SS18: variants seen among roughly 807,000 people sequenced by gnomAD.
SS18 encodes SS18 subunit of BAF chromatin remodeling complex.
Under a neutral mutation model 72.5 loss-of-function variants are expected in SS18, and 28 were observed. The observed-to-expected ratio is 0.39, with a 90% CI of 0.29 to 0.53. SS18 has a LOEUF of 0.53. SS18 is among the 20% of genes least tolerant of loss of function. The pLI is 0.76. For missense variants in SS18, 518 were observed against 535.3 expected, an observed-to-expected ratio of 0.97 and a Z score of 0.32; for synonymous variants, 172 against 164.2, an observed-to-expected ratio of 1.05 and a Z score of -0.37.
chr18:26,019,916 A>T (rs1401513880), intron 10 of SS18, among the ~76,000 whole-genome samples: 1 of 152,066 alleles, frequency 6.6e-6, no homozygotes, highest in Admixed American at 6.5e-5. Context: ...ATGATATCAC[A>T]TCTAAGATTT....
At chr18:26,053,704 TAA>T (rs934367722) in intron 4 of SS18, among the ~76,000 whole-genome samples, 8 of 152,096 alleles carry the variant, frequency 5.3e-5, no homozygotes, top group African/African-American at 1.9e-4. Flanking sequence ...TCATCAACAT[TAA>T]AAGATTGATT....
intron 4 of SS18, among the ~76,000 whole-genome samples, chr18:26,056,520 G>T (rs957561305): frequency 2.6e-5 from 4 of 152,124 alleles, no homozygotes; most frequent in African/African-American, 9.7e-5. Context: ...AAACACCACT[G>T]CCCTCCTATA....
At chr18:26,048,129 A>G (rs958492649) in intron 5 of SS18, among the ~76,000 whole-genome samples, 1 of 152,258 alleles carries the variant, frequency 6.6e-6, no homozygotes, top group Non-Finnish European at 1.5e-5. Context: ...CTGGGTATGT[A>G]GTAAAGTAAG....
At chr18:26,059,191 A>G (rs2054076735) in intron 3 of SS18, among the ~76,000 whole-genome samples, 1 of 152,250 alleles carries the variant, frequency 6.6e-6, no homozygotes, top group Non-Finnish European at 1.5e-5. Flanking sequence ...CAAAAAGTAA[A>G]AACTGTTTGA....
intron 3 of SS18, among the ~76,000 whole-genome samples, chr18:26,075,187 A>G (rs1476210300): frequency 6.6e-6 from 1 of 151,934 alleles, no homozygotes; most frequent in African/African-American, 2.4e-5. Flanking sequence ...ATTCTTCTGG[A>G]TAAGAAAAAG....
At chr18:26,025,646 T>C (rs541126089) in intron 10 of SS18, among the ~76,000 whole-genome samples, 33 of 151,756 alleles carry the variant, frequency 2.2e-4, no homozygotes, top group Non-Finnish European at 2.8e-4. Context: ...AAGAAAAAAA[T>C]AGATAACCTG....
At chr18:26,031,229 A>G (rs1158190029) in intron 10 of SS18, among the ~76,000 whole-genome samples, 1 of 152,168 alleles carries the variant, frequency 6.6e-6, no homozygotes, top group Non-Finnish European at 1.5e-5. Flanking sequence ...TTGTTTGAGG[A>G]TATTTTTGAA....
intron 9 of SS18, 75 bp from the exon 10 acceptor site, chr18:26,032,607 A>T: frequency 6.7e-7 from 1 of 1,496,852 alleles, no homozygotes; most frequent in Non-Finnish European, 9.0e-7. Flanking sequence ...TGTGAACTAC[A>T]GAGATGTTAC....
intron 10 of SS18, among the ~76,000 whole-genome samples, chr18:26,026,649 T>C (rs2053451143): frequency 2.6e-5 from 4 of 151,660 alleles, no homozygotes; most frequent in Admixed American, 1.3e-4. Context: ...AGCAGGAGGG[T>C]GGGGAAGGAA....
At chr18:26,068,473 A>C (rs2054257762) in intron 3 of SS18, 1 of 152,212 alleles carries the variant, frequency 6.6e-6, no homozygotes, top group Non-Finnish European at 1.5e-5. Flanking sequence ...AATTTAGTAA[A>C]TGTTACAAAT....
chr18:26,032,264 G>T, intron 10 of SS18, 135 bp downstream of exon 10: 1 of 1,015,350 alleles, frequency 9.8e-7, no homozygotes, highest in Non-Finnish European at 1.4e-6. Flanking sequence ...TACACTTTTT[G>T]TTAACAAATG....
At chr18:26,062,842 T>A (rs550725933) in intron 3 of SS18, among the ~76,000 whole-genome samples, 180 of 152,326 alleles carry the variant, frequency 1.2e-3, no homozygotes, top group African/African-American at 4.2e-3. Context: ...TAAATGTGTA[T>A]ACATCTCACA....
chr18:26,057,236 G>A (rs1011815148), intron 4 of SS18, among the ~76,000 whole-genome samples: 2 of 152,112 alleles, frequency 1.3e-5, no homozygotes, highest in Admixed American at 1.3e-4. Flanking sequence ...AAAAACTCAG[G>A]GAAATGTTAT....
chr18:26,071,196 C>T (rs1031822842), intron 3 of SS18, among the ~76,000 whole-genome samples: 1 of 152,018 alleles, frequency 6.6e-6, no homozygotes, highest in Non-Finnish European at 1.5e-5. Context: ...CTGAAAACTC[C>T]CAAAACTGAT....
At chr18:26,082,624 A>C in intron 2 of SS18, 146 of 524,758 alleles carry the variant, frequency 2.8e-4, no homozygotes, top group Non-Finnish European at 3.3e-4. Context: ...ACACATTCTC[A>C]CGTGTGTTAC....
At position 26,035,582 on chromosome 18, in the gene SS18, C is replaced by A; in HGVS notation, c.973+249G>T. On this transcript the variant is annotated intron_variant, in intron 8 of 10. Coordinates refer to ENST00000415083, the MANE Select transcript of SS18 (RefSeq NM_001007559.3). The surrounding 1 kb of genome is among the most constrained non-coding windows in gnomAD (Gnocchi z 4.4). ...GATTTATGTTCAAATAGAAAATTTC[C>A]ACTGAGGAAAAAATTATCTTTAATG... 2.9e-6 allele frequency: 1 copy of A among 343,606 alleles called. No homozygotes were observed. The highest frequency in any genetic ancestry group is 5.2e-6 in the Non-Finnish European group (1 of 191,216). The allele number at this position is 343,606 out of a possible 1,614,324, so 21.3% of individuals were successfully genotyped here. A position where few individuals can be genotyped will look rare whatever the true frequency, so the allele number is the denominator to read the frequency against.
At chr18:26,037,878 C>T (rs540131722) in intron 7 of SS18, among the ~76,000 whole-genome samples, 4 of 152,108 alleles carry the variant, frequency 2.6e-5, no homozygotes, top group East Asian at 3.9e-4. Flanking sequence ...TGGATTATTG[C>T]TATTCAAATT....
chr18:26,032,488 G>C lies in SS18; in HGVS notation c.1141C>G (p.Gln381Glu). The C allele has an allele frequency of 4.3e-6, 7 of 1,613,846 alleles. No individual in the cohort carries two copies. Among genetic ancestry groups the C allele is most frequent in the Non-Finnish European group, 5.9e-6 (7 of 1,179,836 alleles). The part of the protein sequence containing the change: ...GPGPQYPNYP[Q>E]GQGQQYGGYR... ...CCTCCATACTGCTGACCTTGTCCCT[G>C]TGGGTAGTTAGGATACTGAGGACCT... Residue 381 changes from glutamine to glutamate, a missense_variant, in exon 10 of 11, where the codon CAG (glutamine) becomes GAG (glutamate). Gln to Glu is a conservative substitution (Grantham distance 29). Coordinates refer to ENST00000415083, the MANE Select transcript of SS18 (RefSeq NM_001007559.3).
At position 26,017,507 on chromosome 18, in the gene SS18, T is replaced by C. The variant is rs2053268926; in HGVS notation, c.*847A>G. 5.1e-6 allele frequency: 1 copy of C among 196,998 alleles called. No homozygotes were observed. Among genetic ancestry groups the C allele is most frequent in the Non-Finnish European group, 1.1e-5 (1 of 94,662 alleles). 12.2% of individuals were successfully genotyped at this position (196,998 alleles called of 1,614,324 possible). On this transcript the variant is annotated 3_prime_UTR_variant, in exon 11 of 11. Transcript: ENST00000415083. Reference sequence around the variant, plus strand: ...AAATTAACACTTTCATTTTCAGTTATTGCTATTTTAGAAGAGGATTACCAC... The same window carrying C: ...AAATTAACACTTTCATTTTCAGTTACTGCTATTTTAGAAGAGGATTACCAC...
Sources: gnomAD v4.1 joint callset for allele counts (sites outside exome capture counted in the v4.1 genomes callset) on GRCh38, gnomAD v4.1.1 for gene constraint, Gnocchi (gnomAD v3.1) non-coding constraint, MANE v1.5 for transcripts, NCBI Gene and HGNC (gene_info 2026-07-23, HGNC 2026-07-21) for gene names.